Variants in ADGRD1 observed in about 807,000 individuals in gnomAD.
ADGRD1 encodes the protein adhesion G protein-coupled receptor D1, also known as G-protein coupled receptor 133.
A neutral mutation model predicts 113.4 loss-of-function variants in ADGRD1; 77 were observed. That is an observed-to-expected ratio of 0.68 (90% CI 0.57 to 0.82). The LOEUF (loss-of-function observed/expected upper bound fraction) is 0.82, where lower values mean the gene tolerates loss of function less well. Among genes scored for constraint, ADGRD1 ranks in the 40% least tolerant of loss-of-function variants. The pLI is 0.00. For synonymous variants in ADGRD1, 474 were observed against 475.0 expected, an observed-to-expected ratio of 1.00 and a Z score of 0.03; for missense variants, 1,036 against 1,139.1, an observed-to-expected ratio of 0.91 and a Z score of 1.30.
Position 130,981,879 on chromosome 12 carries a change from C to T in ADGRD1, c.311-5C>T. ...GTGAATAACTGATCTTGTGACTTTCCTCAGGGGTCACGTTTTCTTTTTTCT... is the reference window on the plus strand; with the variant it reads ...GTGAATAACTGATCTTGTGACTTTCTTCAGGGGTCACGTTTTCTTTTTTCT... On this transcript the variant is annotated splice_region_variant and splice_polypyrimidine_tract_variant and intron_variant, in intron 4 of 24. Transcript: ENST00000261654. 6.2e-7 allele frequency: 1 copy of T among 1,606,298 alleles called. No homozygotes were observed. Among genetic ancestry groups the T allele is most frequent in the Non-Finnish European group, 8.5e-7 (1 of 1,174,196 alleles).
chr12:131,105,945 C>A, intron 17 of ADGRD1, 80 bp downstream of exon 17: 2 of 989,792 alleles, frequency 2.0e-6, no homozygotes, highest in South Asian at 1.4e-5. Context: ...CTTCTGCTAG[C>A]TTTTTCAACT....
intron 20 of ADGRD1, among the ~76,000 whole-genome samples, chr12:131,123,049 T>TTTG (rs1950639591): frequency 2.4e-5 from 3 of 123,102 alleles, no homozygotes; most frequent in African/African-American, 9.8e-5. Flanking sequence ...GTTTTTTTTT[T>TTTG]TTTTTTTTTT....
chr12:131,104,724 C>G, intron 15 of ADGRD1, 107 bp from the exon 16 acceptor site: 1 of 677,816 alleles, frequency 1.5e-6, no homozygotes, highest in East Asian at 2.9e-5. Flanking sequence ...GTGGTCAGCA[C>G]CACACTCACA....
In ADGRD1 at chr12:131,104,935, G is replaced by A. The variant is rs769865874; in HGVS notation, c.1775+1G>A. 17 of 1,545,308 alleles carry A rather than the reference G, an allele frequency of 1.1e-5. No individual in the cohort carries two copies. Among genetic ancestry groups the A allele is most frequent in the Admixed American group, 2.0e-5 (1 of 50,888 alleles). ...CGCTGGTCACCTTCGCCGTGCTGTC[G>A]TGAGTCCCCTTTTCTAATCCACCCA... On this transcript the variant is annotated splice_donor_variant, in intron 16 of 24. Transcript: ENST00000261654. LOFTEE classifies it high-confidence loss of function.
chr12:131,089,785 G>C (rs1190824678), intron 15 of ADGRD1, among the ~76,000 whole-genome samples: 3 of 152,270 alleles, frequency 2.0e-5, no homozygotes, highest in African/African-American at 7.2e-5. Context: ...TCACAGACAA[G>C]AGTCATAGGT....
chr12:131,133,206 G>A (rs550650124), intron 21 of ADGRD1, among the ~76,000 whole-genome samples: 6 of 152,090 alleles, frequency 3.9e-5, no homozygotes, highest in South Asian at 2.1e-4. Flanking sequence ...TCACCTCAGC[G>A]TTCAGGGTCA....
chr12:131,034,772 TA>T (rs1433946375), intron 13 of ADGRD1, among the ~76,000 whole-genome samples: 1 of 152,180 alleles, frequency 6.6e-6, no homozygotes, highest in African/African-American at 2.4e-5. Flanking sequence ...AAGGTGGCTC[TA>T]CCTGAGGCTC....
At chr12:131,000,258 C>T in intron 8 of ADGRD1, 125 bp from the exon 9 acceptor site, 1 of 721,470 alleles carries the variant, frequency 1.4e-6, no homozygotes, top group South Asian at 1.5e-5. Flanking sequence ...TTTTTGTTGA[C>T]TGCCGTGCAT....
At chr12:131,059,126 T>G (rs1264006044) in intron 13 of ADGRD1, among the ~76,000 whole-genome samples, 1 of 152,200 alleles carries the variant, frequency 6.6e-6, no homozygotes, top group South Asian at 2.1e-4. Flanking sequence ...CACTACTCTT[T>G]CCTCTGTCCT....
chr12:131,119,132 G>A (rs966959007), intron 19 of ADGRD1, among the ~76,000 whole-genome samples: 4 of 152,186 alleles, frequency 2.6e-5, no homozygotes, highest in Non-Finnish European at 5.9e-5. Flanking sequence ...GCTGCTACCT[G>A]TCCTAGCCAC....
intron 2 of ADGRD1, among the ~76,000 whole-genome samples, chr12:130,964,597 A>G (rs946009036): frequency 6.6e-6 from 1 of 152,182 alleles, no homozygotes; most frequent in Non-Finnish European, 1.5e-5. Context: ...AGGCAGGAGA[A>G]TTGCTTGAAC....
chr12:131,018,676 C>G (rs1270887636), intron 13 of ADGRD1, among the ~76,000 whole-genome samples: 2 of 152,196 alleles, frequency 1.3e-5, no homozygotes, highest in African/African-American at 4.8e-5. Context: ...GAGGGTTTTG[C>G]CTTTTACACA....
At chr12:131,029,758 C>T (rs1593072978) in intron 13 of ADGRD1, among the ~76,000 whole-genome samples, 1 of 145,916 alleles carries the variant, frequency 6.9e-6, no homozygotes, top group African/African-American at 2.6e-5. Flanking sequence ...AGGTTGTGGA[C>T]CCCTTGTTCG....
At chr12:131,080,412 G>C (rs922529659) in intron 14 of ADGRD1, among the ~76,000 whole-genome samples, 6 of 151,748 alleles carry the variant, frequency 4.0e-5, no homozygotes, top group African/African-American at 1.5e-4. Context: ...AGTCTTTGAT[G>C]AAAGTCCCAT....
At chr12:131,064,586 G>A (rs1311052562) in intron 13 of ADGRD1, among the ~76,000 whole-genome samples, 5 of 152,124 alleles carry the variant, frequency 3.3e-5, no homozygotes, top group African/African-American at 1.2e-4. Flanking sequence ...TGCTTCATGG[G>A]CCATGTGAAT....
chr12:131,126,377 C>T (rs55860319), intron 20 of ADGRD1, among the ~76,000 whole-genome samples: 13,592 of 152,212 alleles, frequency 0.089, 615 homozygotes, highest in Middle Eastern at 0.13. Flanking sequence ...CTTTGGATTT[C>T]CCAGTCTCCC....
chr12:131,139,448 T>A lies in ADGRD1; in HGVS notation c.*185T>A. On this transcript the variant is annotated 3_prime_UTR_variant, in exon 25 of 25. Transcript: ENST00000261654. ...GAGCACACTGCTCAGCCCAGCAGCC[T>A]GATGCCCAGGCCAGCGTGGGCCCTC... 1 of 580,052 alleles carries A rather than the reference T, an allele frequency of 1.7e-6. No individual in the cohort carries two copies. Among genetic ancestry groups the A allele is most frequent in the Non-Finnish European group, 3.1e-6 (1 of 321,172 alleles). The allele number at this position is 580,052 out of a possible 1,614,324, so 35.9% of individuals were successfully genotyped here.
chr12:131,115,517 C>T (rs1179915644), intron 18 of ADGRD1, among the ~76,000 whole-genome samples: 1 of 151,832 alleles, frequency 6.6e-6, no homozygotes, highest in African/African-American at 2.4e-5. Context: ...TGCGCCCATC[C>T]TCCCAGGCCT....
At chr12:131,004,020 AC>A (rs1282860843) in intron 10 of ADGRD1, among the ~76,000 whole-genome samples, 165 bp from the exon 11 acceptor site, 1 of 125,408 alleles carries the variant, frequency 8.0e-6, no homozygotes, top group Admixed American at 7.9e-5. Flanking sequence ...TCATTGCTTT[AC>A]CCTTTTTTTT....
Sources: allele counts gnomAD v4.1 joint callset (sites outside exome capture counted in the v4.1 genomes callset), GRCh38; gene constraint gnomAD v4.1.1; transcripts MANE v1.5; gene names NCBI Gene and HGNC (gene_info 2026-07-23, HGNC 2026-07-21).